The following STAG1 variants were observed in gnomAD, a reference collection of about 807,000 sequenced individuals.
STAG1 encodes the protein cohesin subunit SA-1.
STAG1 carries 26 observed loss-of-function variants against 170.9 expected under a neutral mutation model. The ratio of observed to expected loss-of-function variants is 0.15; its 90% confidence interval spans 0.11 to 0.21. The LOEUF (loss-of-function observed/expected upper bound fraction) is 0.21. Ranked by LOEUF, STAG1 falls within the 10% of genes least tolerant of loss-of-function variation. STAG1 has a pLI of 1.00. For missense variants in STAG1, 964 were observed against 1,509.5 expected (o/e 0.64, Z 5.99); for synonymous variants, 514 against 497.7 (o/e 1.03, Z -0.44).
intron 1 of STAG1, among the ~76,000 whole-genome samples, chr3:136,717,199 T>C (rs1346332838): frequency 6.6e-6 from 1 of 152,228 alleles, no homozygotes; most frequent in Non-Finnish European, 1.5e-5. Context: ...CTTAACCTTC[T>C]CATTATCTTA....
intron 1 of STAG1, among the ~76,000 whole-genome samples, chr3:136,632,126 A>G (rs1940354955): frequency 6.6e-6 from 1 of 152,000 alleles, no homozygotes; most frequent in South Asian, 2.1e-4. Context: ...CAGAGGGGGA[A>G]AAAAAAAGTC....
At chr3:136,696,206 G>A (rs1456250956) in intron 1 of STAG1, among the ~76,000 whole-genome samples, 1 of 152,142 alleles carries the variant, frequency 6.6e-6, no homozygotes, top group Non-Finnish European at 1.5e-5. Flanking sequence ...AGTTGCCTTA[G>A]AGTCAAGGCA....
chr3:136,730,245 T>C (rs955247957), intron 1 of STAG1, among the ~76,000 whole-genome samples: 3 of 152,164 alleles, frequency 2.0e-5, no homozygotes, highest in African/African-American at 7.2e-5. Flanking sequence ...AAAATAAGTA[T>C]TGCTAACACA....
rs1935775788 is a variant in STAG1, at chr3:136,338,131, A to T, written c.*123T>A. On this transcript the variant is annotated 3_prime_UTR_variant, in exon 34 of 34. Coordinates refer to ENST00000383202, the MANE Select transcript of STAG1 (RefSeq NM_005862.3). ...TCACTGCAAAAAGGGATTGACCTTA[A>T]TCATTTGATTAAAAAACAAATCAGA... 1 of 681,288 alleles carries T rather than the reference A, an allele frequency of 1.5e-6. No homozygotes were observed. The highest frequency in any genetic ancestry group is 2.6e-6 in the Non-Finnish European group (1 of 387,708). 42.2% of individuals were successfully genotyped at this position (681,288 alleles called of 1,614,324 possible).
At chr3:136,432,841 G>A (rs1161207036) in intron 16 of STAG1, among the ~76,000 whole-genome samples, 1 of 152,190 alleles carries the variant, frequency 6.6e-6, no homozygotes, top group Non-Finnish European at 1.5e-5. Context: ...TGCACGCAGT[G>A]CCACTCTGGT....
intron 14 of STAG1, among the ~76,000 whole-genome samples, chr3:136,444,970 C>T (rs777309013): frequency 6.6e-6 from 1 of 151,810 alleles, no homozygotes; most frequent in Non-Finnish European, 1.5e-5. Flanking sequence ...AAGTGATCCT[C>T]CGAACTTAGC....
chr3:136,577,971 G>A (rs1937514122), intron 4 of STAG1, among the ~76,000 whole-genome samples: 1 of 152,130 alleles, frequency 6.6e-6, no homozygotes, highest in Non-Finnish European at 1.5e-5. Context: ...GAGCCTCCCT[G>A]GCCTTGACAG....
chr3:136,724,288 T>A (rs1260111371), intron 1 of STAG1, among the ~76,000 whole-genome samples: 1 of 152,118 alleles, frequency 6.6e-6, no homozygotes, highest in Admixed American at 6.5e-5. Flanking sequence ...GTGATCCTGT[T>A]GATCAGTGAC....
chr3:136,573,549 C>G (rs1294323680), intron 4 of STAG1, among the ~76,000 whole-genome samples: 1 of 151,922 alleles, frequency 6.6e-6, no homozygotes, highest in African/African-American at 2.4e-5. Context: ...AAAGTCCATT[C>G]TGAATTTTTT....
intron 1 of STAG1, chr3:136,736,576 G>C: frequency 6.6e-7 from 1 of 1,522,034 alleles, no homozygotes; most frequent in Non-Finnish European, 9.1e-7. Flanking sequence ...GTATTGGCTT[G>C]GAAGTTTCGC....
At chr3:136,448,404 G>C (rs1404748518) in intron 14 of STAG1, among the ~76,000 whole-genome samples, 1 of 152,114 alleles carries the variant, frequency 6.6e-6, no homozygotes, top group African/African-American at 2.4e-5. Context: ...AGAAGATGAA[G>C]GAAGAGCAAA....
chr3:136,501,261 T>G (rs1023123780), intron 8 of STAG1, among the ~76,000 whole-genome samples: 1 of 152,182 alleles, frequency 6.6e-6, no homozygotes, highest in Non-Finnish European at 1.5e-5. Flanking sequence ...AGTATTTACT[T>G]CTATAATATT....
intron 1 of STAG1, among the ~76,000 whole-genome samples, chr3:136,670,797 T>A (rs977416397): frequency 6.6e-6 from 1 of 152,088 alleles, no homozygotes; most frequent in South Asian, 2.1e-4. Context: ...AATCAACTTA[T>A]ATTTTCAAGT....
chr3:136,448,899 A>T (rs1325789854), intron 14 of STAG1, among the ~76,000 whole-genome samples: 1 of 151,972 alleles, frequency 6.6e-6, no homozygotes, highest in East Asian at 1.9e-4. Context: ...AGATTGCACC[A>T]CTGCACTCCA....
At chr3:136,413,258 C>A (rs531384175) in intron 21 of STAG1, among the ~76,000 whole-genome samples, 1 of 147,130 alleles carries the variant, frequency 6.8e-6, no homozygotes, top group African/African-American at 2.5e-5. Flanking sequence ...TAATATATAT[C>A]GTATATTACA....
In STAG1 at chr3:136,381,612, A is replaced by G. The variant is rs184480536; in HGVS notation, c.2278-3860T>C. Reference sequence around the variant, plus strand: ...AACTCTTTCAAAAAAGTATGATTATAAAGAGTCAGTGAAAAATAGGATGGG... The same window carrying G: ...AACTCTTTCAAAAAAGTATGATTATGAAGAGTCAGTGAAAAATAGGATGGG... On this transcript the variant is annotated intron_variant, in intron 22 of 33. Transcript: ENST00000383202. Among the ~76,000 whole-genome samples the G allele has an allele frequency of 4.0e-4, 61 of 152,308 alleles. 1 individual carries two copies. The highest frequency in any genetic ancestry group is 7.4e-4 in the Non-Finnish European group (50 of 68,016).
chr3:136,619,844 T>C (rs1458671977), intron 3 of STAG1, among the ~76,000 whole-genome samples: 2 of 148,412 alleles, frequency 1.3e-5, no homozygotes, highest in African/African-American at 5.0e-5. Context: ...GGTGGGACGA[T>C]CAGTTGAGCC....
intron 1 of STAG1, among the ~76,000 whole-genome samples, chr3:136,733,988 T>A (rs894203756): frequency 6.3e-4 from 95 of 151,546 alleles, no homozygotes; most frequent in Admixed American, 2.1e-3. Flanking sequence ...GCACCTGTAG[T>A]CCCAGCTACT....
intron 1 of STAG1, among the ~76,000 whole-genome samples, chr3:136,732,632 C>G (rs892628965): frequency 1.3e-5 from 2 of 152,134 alleles, no homozygotes; most frequent in African/African-American, 4.8e-5. Flanking sequence ...GTTTTTGAGA[C>G]AGAGTCTTGC....
Sources: gnomAD v4.1 joint callset for allele counts (sites outside exome capture counted in the v4.1 genomes callset) on GRCh38, gnomAD v4.1.1 for gene constraint, MANE v1.5 for transcripts, NCBI Gene and HGNC (gene_info 2026-07-23, HGNC 2026-07-21) for gene names.